The following IQSEC1 variants were observed in gnomAD, a reference collection of about 807,000 sequenced individuals.
IQSEC1 encodes IQ motif and SEC7 domain-containing protein 1.
IQSEC1 carries 31 observed loss-of-function variants against 91.0 expected under a neutral mutation model. The observed-to-expected ratio is 0.34, with a 90% CI of 0.26 to 0.46. The LOEUF is 0.46. IQSEC1 is among the 20% of genes least tolerant of loss of function. IQSEC1 has a pLI of 1.00. For missense variants in IQSEC1, 1,388 were observed against 1,575.6 expected (o/e 0.88, Z 2.02); for synonymous variants, 699 against 662.6 (o/e 1.05, Z -0.84).
chr3:13,053,151 C>T (rs932702595), intron 1 of IQSEC1: 8 of 769,240 alleles, frequency 1.0e-5, no homozygotes, highest in East Asian at 7.4e-5. Flanking sequence ...GCACACACCA[C>T]GATGATGGAG....
intron 2 of IQSEC1, among the ~76,000 whole-genome samples, chr3:13,154,844 G>C (rs1207722931): frequency 6.6e-6 from 1 of 151,704 alleles, no homozygotes; most frequent in South Asian, 2.1e-4. Context: ...AGTTATATAA[G>C]TTAAACAACA....
At chr3:13,130,204 T>C (rs1033930651) in intron 2 of IQSEC1, among the ~76,000 whole-genome samples, 4 of 150,238 alleles carry the variant, frequency 2.7e-5, no homozygotes, top group African/African-American at 9.8e-5. Flanking sequence ...ATTAGCCAGG[T>C]GTGGTGGCGC....
intron 1 of IQSEC1, among the ~76,000 whole-genome samples, chr3:13,250,604 T>C (rs1443418336): frequency 1.8e-5 from 1 of 54,802 alleles, no homozygotes; most frequent in Non-Finnish European, 3.1e-5. Context: ...ACCCAGATAA[T>C]TTATTTTATT....
chr3:13,033,239 GC>G (rs1179685570), intron 1 of IQSEC1, among the ~76,000 whole-genome samples: 2 of 152,180 alleles, frequency 1.3e-5, no homozygotes, highest in African/African-American at 4.8e-5. Flanking sequence ...CTCCTGACGA[GC>G]CCGAGGACAG....
At chr3:12,929,335 A>G (rs1181278156) in intron 3 of IQSEC1, among the ~76,000 whole-genome samples, 1 of 152,232 alleles carries the variant, frequency 6.6e-6, no homozygotes, top group Non-Finnish European at 1.5e-5. Flanking sequence ...GGGTGATGCC[A>G]CAGAAAGCTG....
In IQSEC1 at chr3:13,282,071, C is replaced by G; in HGVS notation, c.272+640G>C. Among the ~76,000 whole-genome samples, 1 of 152,232 alleles carries G rather than the reference C, an allele frequency of 6.6e-6. No individual in the cohort carries two copies. The highest frequency in any genetic ancestry group is 1.9e-4 in the East Asian group (1 of 5,196). Reference sequence around the variant, plus strand: ...TCCAGGGCTGCTGGACAGCCCCGCCCTGTACCTCTCCCCATCCCTCACTTA... The same window carrying G: ...TCCAGGGCTGCTGGACAGCCCCGCCGTGTACCTCTCCCCATCCCTCACTTA... On this transcript the variant is annotated intron_variant, in intron 1 of 15. Transcript: ENST00000648114. The surrounding 1 kb of genome is among the most constrained non-coding windows in gnomAD (Gnocchi z 6.4).
intron 1 of IQSEC1, among the ~76,000 whole-genome samples, chr3:13,253,745 G>A (rs931390723): frequency 6.6e-6 from 1 of 152,116 alleles, no homozygotes; most frequent in Non-Finnish European, 1.5e-5. Context: ...GAGGAGCTCC[G>A]CTGTGCGACA....
intron 2 of IQSEC1, among the ~76,000 whole-genome samples, chr3:13,087,968 A>G (rs1210649650): frequency 4.6e-5 from 7 of 152,140 alleles, no homozygotes; most frequent in Admixed American, 4.6e-4. Flanking sequence ...CAAGGCCCCA[A>G]CCCTCACCGC....
At chr3:12,972,811 G>A (rs1207709839) in intron 1 of IQSEC1, among the ~76,000 whole-genome samples, 1 of 152,150 alleles carries the variant, frequency 6.6e-6, no homozygotes, top group Admixed American at 6.5e-5. Context: ...CTGGGCGGGT[G>A]TGTTTTAAGA....
intron 1 of IQSEC1, among the ~76,000 whole-genome samples, chr3:13,038,278 A>G (rs1175847034): frequency 4.3e-5 from 6 of 140,958 alleles, no homozygotes; most frequent in African/African-American, 7.7e-5. Context: ...ATATATATAT[A>G]TATATATATA....
intron 1 of IQSEC1, among the ~76,000 whole-genome samples, chr3:13,174,705 C>T (rs9870596): frequency 0.17 from 25,885 of 152,102 alleles, 2,376 homozygotes; most frequent in African/African-American, 0.23. Context: ...CATGTCACCC[C>T]CATGTCTGCC....
At chr3:12,934,189 C>T (rs1045659075) in intron 3 of IQSEC1, among the ~76,000 whole-genome samples, 42 of 152,228 alleles carry the variant, frequency 2.8e-4, no homozygotes, top group African/African-American at 1.0e-3. Context: ...CTGCAGCAAG[C>T]CACAGGCAGA....
chr3:13,077,766 C>T (rs1434375570), upstream of IQSEC1, among the ~76,000 whole-genome samples: 2 of 152,152 alleles, frequency 1.3e-5, no homozygotes, highest in Non-Finnish European at 2.9e-5. Context: ...GCCTGGCAAA[C>T]ACCTCCCTCT....
chr3:13,249,862 A>ACT (rs1695165843), intron 1 of IQSEC1, among the ~76,000 whole-genome samples: 1 of 152,226 alleles, frequency 6.6e-6, no homozygotes, highest in Admixed American at 6.5e-5. Flanking sequence ...GCACTCAGCC[A>ACT]TGTGAAGACC....
intron 2 of IQSEC1, among the ~76,000 whole-genome samples, chr3:13,095,435 G>A (rs111712214): frequency 7.7e-4 from 117 of 152,252 alleles, no homozygotes; most frequent in African/African-American, 2.6e-3. Flanking sequence ...TGCTGGCTTC[G>A]TGGAAACAGC....
chr3:12,916,087 G>A (rs1253976711), intron 6 of IQSEC1, among the ~76,000 whole-genome samples: 1 of 152,192 alleles, frequency 6.6e-6, no homozygotes, highest in East Asian at 1.9e-4. Flanking sequence ...TGAGGCTGAC[G>A]TGTGGGGAGG....
chr3:13,101,960 G>A (rs1309342979), intron 2 of IQSEC1, among the ~76,000 whole-genome samples: 1 of 152,032 alleles, frequency 6.6e-6, no homozygotes, highest in Non-Finnish European at 1.5e-5. Context: ...GGGAGGGTGT[G>A]CAGTGAGCCA....
intron 1 of IQSEC1, among the ~76,000 whole-genome samples, chr3:13,171,401 C>T (rs891222572): frequency 2.0e-5 from 3 of 152,182 alleles, no homozygotes; most frequent in African/African-American, 7.2e-5. Context: ...TGCTCTTTCT[C>T]AGAATGTGCA....
rs755104723 is a variant in IQSEC1 at position 12,935,694 on chromosome 3, G to T, written c.1322C>A (p.Ala441Asp). The change falls in exon 3 of 14, where the codon GCC becomes GAC. Residue 441 changes from alanine (A) to aspartate (D), a missense_variant. Physicochemically the swap from Ala to Asp is moderately radical, Grantham distance 126. This residue lies in a region of IQSEC1 where 1,059 missense variants were observed against 1,317.8 expected (regional missense o/e 0.80). Coordinates refer to ENST00000613206, the MANE Select transcript of IQSEC1 (RefSeq NM_001134382.3). This position sits in a 1 kb window ranked among gnomAD's most constrained non-coding sequence, Gnocchi z 8.0. The stretch of plus-strand genomic sequence containing the variant: ...CGACTCAGACTTGCTCTGCCGGTTG[G>T]CTGAGCCATTGATGGCCAAGTGGCT... The part of the protein sequence containing the change: ...LDSHLAINGS[A>D]NRQSKSESDY... 1 of 1,613,556 alleles carries T rather than the reference G, an allele frequency of 6.2e-7. No individual in the cohort carries two copies. Among genetic ancestry groups the T allele is most frequent in the African/African-American group, 1.3e-5 (1 of 74,930 alleles).
Sources: allele counts gnomAD v4.1 joint callset (sites outside exome capture counted in the v4.1 genomes callset), GRCh38; gene constraint gnomAD v4.1.1; regional missense constraint gnomAD v4.1.1; non-coding constraint Gnocchi (gnomAD v3.1); transcripts MANE v1.5; gene names NCBI Gene and HGNC (gene_info 2026-07-23, HGNC 2026-07-21).